The following NLRP4 variants were observed in gnomAD, a reference collection of about 807,000 sequenced individuals.
NLRP4 encodes the protein NACHT, LRR and PYD domains-containing protein 4.
Under a neutral mutation model 84.7 loss-of-function variants are expected in NLRP4, and 44 were observed. That is an observed-to-expected ratio of 0.52 (90% CI 0.41 to 0.67). The LOEUF is 0.67. Among genes scored for constraint, NLRP4 ranks in the 30% least tolerant of loss-of-function variants. The pLI is 0.00. For missense variants in NLRP4, 1,260 were observed against 1,219.4 expected (o/e 1.03, Z -0.50); for synonymous variants, 544 against 476.4 (o/e 1.14, Z -1.85).
At position 55,838,675 on chromosome 19, in the gene NLRP4, T is replaced by C. The variant is rs8107667; in HGVS notation, c.-66+1741T>C. 1.8e-3 allele frequency among the ~76,000 whole-genome samples: 279 copies of C among 152,316 alleles called. 3 individuals are homozygous for C. The highest frequency in any genetic ancestry group is 6.6e-3 in the African/African-American group (274 of 41,564). ...CACCAAATGTTAAAAGTTTACCTTATATGGTGTCCCTCTACTCTTATATAA... is the reference window on the plus strand; with the variant it reads ...CACCAAATGTTAAAAGTTTACCTTACATGGTGTCCCTCTACTCTTATATAA... On this transcript the variant is annotated intron_variant, in intron 1 of 9. Coordinates refer to ENST00000301295, the MANE Select transcript of NLRP4 (RefSeq NM_134444.5).
At position 55,858,502 on chromosome 19, in the gene NLRP4, C is replaced by G. The variant is rs757911173; in HGVS notation, c.1109C>G (p.Ser370Cys). Residue 370 changes from serine (S) to cysteine (C), a missense_variant, in exon 3 of 10, where the codon TCT (serine) becomes TGT (cysteine). This residue lies in a region of NLRP4 where 712 missense variants were observed against 669.2 expected (regional missense o/e 1.06). Coordinates refer to ENST00000301295, the MANE Select transcript of NLRP4 (RefSeq NM_134444.5). The surrounding 1 kb of genome is among the most constrained non-coding windows in gnomAD (Gnocchi z 4.2). ...DLALTCQSTT[S>C]VYSSFVFNLF... ...GCCCTGACCTGCCAGAGCACTACCT[C>G]TGTGTACTCCTCTTTCGTCTTTAAC... 1 of 1,614,156 alleles carries G rather than the reference C, an allele frequency of 6.2e-7. No homozygotes were observed. The highest frequency in any genetic ancestry group is 1.7e-5 in the Admixed American group (1 of 60,014).
rs967083408 is a variant in NLRP4 at position 55,877,232 on chromosome 19, AAG to A, written c.2696+70_2696+71del. On this transcript the variant is annotated intron_variant, in intron 8 of 9. Transcript: ENST00000301295. ...CAAAGACGGAAAATGGATGGGAAGA[AAG>A]AGAAAGATGAAAACTCCAACAGGAC... 3 of 1,464,236 alleles carry A rather than the reference AAG, an allele frequency of 2.0e-6. No individual in the cohort carries two copies. The Admixed American group carries it at 5.2e-5, about 25-fold the overall frequency. 90.7% of individuals were successfully genotyped at this position (1,464,236 alleles called of 1,614,324 possible).
chr19:55,846,485 A>G (rs987968879), intron 1 of NLRP4, among the ~76,000 whole-genome samples: 2 of 152,182 alleles, frequency 1.3e-5, no homozygotes, highest in Non-Finnish European at 2.9e-5. Context: ...AAGCACCAGC[A>G]ATGTTCTTGC....
At chr19:55,878,463 T>C (rs1314959016) in intron 8 of NLRP4, among the ~76,000 whole-genome samples, 2 of 152,266 alleles carry the variant, frequency 1.3e-5, no homozygotes, top group Non-Finnish European at 1.5e-5. Context: ...CTCCTAATCT[T>C]GCTTCCATTG....
Position 55,870,937 on chromosome 19 carries a change from A to T in NLRP4, c.2465A>T (p.Glu822Val), listed in dbSNP as rs1287127834. ...CTCAGTGCCAATGTCCTGAAGGACG[A>T]AGGACTGAAAACTCTCTGCGAGGCC... ...LDLSANVLKDEGLKTLCEALK... is the reference protein window; with the variant it reads ...LDLSANVLKDVGLKTLCEALK... The change falls in exon 7 of 10, where the codon GAA (glutamate) becomes GTA (valine). Residue 822 changes from glutamate (E) to valine (V), a missense_variant. Transcript: ENST00000301295. The T allele has an allele frequency of 6.2e-7, 1 of 1,614,122 alleles. No individual in the cohort carries two copies. Among genetic ancestry groups the T allele is most frequent in the South Asian group, 1.1e-5 (1 of 91,082 alleles).
intron 1 of NLRP4, among the ~76,000 whole-genome samples, chr19:55,849,938 C>A (rs921353006): frequency 7.9e-6 from 1 of 126,100 alleles, no homozygotes; most frequent in South Asian, 2.5e-4. Context: ...TCCGTAGCCG[C>A]GGTGTAATTT....
At position 55,878,951 on chromosome 19, in the gene NLRP4, C is replaced by T; in HGVS notation, c.2854C>T (p.Leu952=). 1.9e-6 allele frequency: 3 copies of T among 1,612,988 alleles called. No homozygotes were observed. Among genetic ancestry groups the T allele is most frequent in the African/African-American group, 1.3e-5 (1 of 75,042 alleles). ...GGCCCTGAGACACCCAGAGTGTGCC[C>T]TGCAGGTGCTCGGGTGAGCTGGGGT... ...CEALRHPECA[L]QVLGLRKTDF... Residue 952 remains leucine, a synonymous_variant, in exon 9 of 10, where the codon CTG becomes TTG. Coordinates refer to ENST00000301295, the MANE Select transcript of NLRP4 (RefSeq NM_134444.5).
chr19:55,856,772 C>T (rs1600228750), intron 2 of NLRP4, among the ~76,000 whole-genome samples: 1 of 152,158 alleles, frequency 6.6e-6, no homozygotes, highest in East Asian at 1.9e-4. Flanking sequence ...CCTTGGCCTC[C>T]CAAAGTTCTG....
chr19:55,876,828 T>A (rs186113841), intron 7 of NLRP4, among the ~76,000 whole-genome samples, 168 bp from the exon 8 acceptor site: 94 of 152,332 alleles, frequency 6.2e-4, no homozygotes, highest in African/African-American at 2.1e-3. Context: ...TGTTATTGTT[T>A]TAATTCTTCA....
chr19:55,877,227 G>A (rs1305031242), intron 8 of NLRP4, 61 bp downstream of exon 8: 4 of 1,473,800 alleles, frequency 2.7e-6, no homozygotes, highest in Non-Finnish European at 3.8e-6. Context: ...AAATGGATGG[G>A]AAGAAAGAGA....
intron 8 of NLRP4, 50 bp downstream of exon 8, chr19:55,877,216 A>G (rs1274357135): frequency 1.3e-6 from 2 of 1,521,098 alleles, no homozygotes; most frequent in East Asian, 2.3e-5. Flanking sequence ...GCAAAGACGG[A>G]AAATGGATGG....
chr19:55,858,255 C>T lies in NLRP4; in HGVS notation c.862C>T (p.Arg288Trp), dbSNP rs1184804697. The T allele has an allele frequency of 2.0e-5, 32 of 1,614,026 alleles. No homozygotes were observed. Among genetic ancestry groups the T allele is most frequent in the Middle Eastern group, 1.6e-4 (1 of 6,084 alleles). ...CAAACCCGTGTGCCCGAAGGAGCTC[C>T]GGGATCAGGTGACGATCTCAGAAAT... ...AIKPVCPKEL[R>W]DQVTISEIYQ... The change falls in exon 3 of 10, where the codon CGG (arginine) becomes TGG (tryptophan). Residue 288 changes from arginine (R) to tryptophan (W), a missense_variant. Around this residue, in one of 3 missense-constraint regions of NLRP4, gnomAD observed 712 missense variants for 669.2 expected, o/e 1.06. Transcript: ENST00000301295. The surrounding 1 kb of genome is among the most constrained non-coding windows in gnomAD (Gnocchi z 4.2).
intron 1 of NLRP4, among the ~76,000 whole-genome samples, chr19:55,849,851 AGACTGCGGTGTAATTTCCGT>A (rs1983955772): frequency 1.3e-5 from 1 of 74,310 alleles, no homozygotes. Flanking sequence ...GTAATTTCCG[AGACTGCGGTGTAATTTCCGT>A]GGCCGCGGTG....
rs751159910 is a variant in NLRP4, at chr19:55,861,435, A to G, written c.1906A>G (p.Thr636Ala). ...GCATCACATCTGCTCTGTGCTCACC[A>G]CCAGCGGGCACCTCAGAGAGCTCCA... ...CWHHICSVLTTSGHLRELQVQ... is the reference protein window; with the variant it reads ...CWHHICSVLTASGHLRELQVQ... The change falls in exon 4 of 10, where the codon ACC becomes GCC. Residue 636 changes from threonine (T) to alanine (A), a missense_variant. Coordinates refer to ENST00000301295, the MANE Select transcript of NLRP4 (RefSeq NM_134444.5). The G allele has an allele frequency of 6.2e-7, 1 of 1,614,074 alleles. No individual in the cohort carries two copies. Among genetic ancestry groups the G allele is most frequent in the Non-Finnish European group, 8.5e-7 (1 of 1,179,932 alleles).
At chr19:55,860,527 A>C (rs1895035701) in intron 3 of NLRP4, among the ~76,000 whole-genome samples, 1 of 152,164 alleles carries the variant, frequency 6.6e-6, no homozygotes. Context: ...GACTGCGGTG[A>C]GCCATGATCG....
chr19:55,849,749 A>G (rs1301067176), intron 1 of NLRP4, among the ~76,000 whole-genome samples: 8 of 151,086 alleles, frequency 5.3e-5, no homozygotes, highest in Admixed American at 3.3e-4. Flanking sequence ...TTCTATATTT[A>G]AAAGTAAAAA....
At chr19:55,880,727 C>T (rs560326015) in intron 9 of NLRP4, among the ~76,000 whole-genome samples, 1 of 152,182 alleles carries the variant, frequency 6.6e-6, no homozygotes, top group Non-Finnish European at 1.5e-5. Flanking sequence ...ATACTTAATC[C>T]TTCTGATTCA....
chr19:55,839,188 T>A (rs1983509509), intron 1 of NLRP4, among the ~76,000 whole-genome samples: 2 of 152,184 alleles, frequency 1.3e-5, no homozygotes, highest in East Asian at 1.9e-4. Flanking sequence ...CCGTTTGTGT[T>A]CTTATTGTTC....
At position 55,857,994 on chromosome 19, in the gene NLRP4, T is replaced by C. The variant is rs755243075; in HGVS notation, c.601T>C (p.Leu201=). The stretch of plus-strand genomic sequence containing the variant: ...ACTGAGGGAGTTGCCGCCAACGAGT[T>C]TGGCTGACTTGATTTCCAGAGAGTG... The part of the protein sequence containing the change: ...RELRELPPTS[L]ADLISREWPD... The change falls in exon 3 of 10, where the codon TTG becomes CTG. Residue 201 remains leucine, a synonymous_variant. Coordinates refer to ENST00000301295, the MANE Select transcript of NLRP4 (RefSeq NM_134444.5). The C allele has an allele frequency of 6.2e-7, 1 of 1,614,156 alleles. No homozygotes were observed. Among genetic ancestry groups the C allele is most frequent in the Admixed American group, 1.7e-5 (1 of 60,022 alleles).
Sources: allele counts gnomAD v4.1 joint callset (sites outside exome capture counted in the v4.1 genomes callset), GRCh38; gene constraint gnomAD v4.1.1; regional missense constraint gnomAD v4.1.1; non-coding constraint Gnocchi (gnomAD v3.1); transcripts MANE v1.5; gene names NCBI Gene and HGNC (gene_info 2026-07-23, HGNC 2026-07-21).